The following ZNF69 variants were observed in gnomAD, a reference collection of about 807,000 sequenced individuals.
ZNF69 encodes the protein ZNF3.
Under a neutral mutation model 50.9 loss-of-function variants are expected in ZNF69, and 47 were observed. The ratio of observed to expected loss-of-function variants is 0.92; its 90% CI spans 0.73 to 1.18. The LOEUF (loss-of-function observed/expected upper bound fraction) is 1.18, where lower values mean the gene tolerates loss of function less well. Among genes scored for constraint, ZNF69 ranks in the 50% most tolerant of loss-of-function variants. The pLI is 0.00. For missense variants in ZNF69, 717 were observed against 675.1 expected (o/e 1.06, Z -0.69); for synonymous variants, 216 against 223.1 (o/e 0.97, Z 0.29).
chr19:11,935,276 G>A, the ZNF69 span, among the ~76,000 whole-genome samples: 1 of 108,170 alleles, frequency 9.2e-6, no homozygotes, highest in Non-Finnish European at 1.7e-5. Flanking sequence ...TGGCTCTGTT[G>A]CCCAGTCTGG....
chr19:11,933,140 A>G, the ZNF69 span, among the ~76,000 whole-genome samples: 2 of 147,584 alleles, frequency 1.4e-5, no homozygotes, highest in African/African-American at 5.3e-5. Flanking sequence ...TTGACTGGCC[A>G]GGTGCTGTGC....
intron 1 of ZNF69, among the ~76,000 whole-genome samples, chr19:11,891,210 C>A (rs539200519): frequency 6.6e-6 from 1 of 151,896 alleles, no homozygotes; most frequent in South Asian, 2.1e-4. Context: ...AGGATCACTT[C>A]TAGTCAGCAG....
At chr19:11,909,080 G>A (rs963473766), downstream of ZNF69, among the ~76,000 whole-genome samples, 1 of 152,130 alleles carries the variant, frequency 6.6e-6, no homozygotes, top group African/African-American at 2.4e-5. Flanking sequence ...AGAAGAAATG[G>A]ATAAATTCCT....
chr19:11,933,436 A>G, the ZNF69 span, among the ~76,000 whole-genome samples: 1 of 147,810 alleles, frequency 6.8e-6, no homozygotes, highest in African/African-American at 2.7e-5. Flanking sequence ...TAAGACAACT[A>G]CGTGTGTCAT....
At chr19:11,902,139 T>C (rs1033510497) in intron 1 of ZNF69, among the ~76,000 whole-genome samples, 1 of 151,882 alleles carries the variant, frequency 6.6e-6, no homozygotes, top group African/African-American at 2.4e-5. Context: ...TGTGCCGCCA[T>C]GCCCGGGTAA....
chr19:11,901,727 G>C (rs1020588485), intron 1 of ZNF69, among the ~76,000 whole-genome samples: 1 of 151,742 alleles, frequency 6.6e-6, no homozygotes, highest in African/African-American at 2.4e-5. Context: ...CAAGTGATCC[G>C]CCCACCTTAA....
the ZNF69 span, among the ~76,000 whole-genome samples, chr19:11,960,376 T>G: frequency 1.3e-5 from 2 of 152,236 alleles, no homozygotes; most frequent in Non-Finnish European, 2.9e-5. Context: ...TGGAGTGCAG[T>G]GGTGTGGCCA....
At position 11,903,666 on chromosome 19, in the gene ZNF69, A is replaced by AT; in HGVS notation, c.158dup (p.Met53IlefsTer21). 6.2e-7 allele frequency: 1 copy of AT among 1,614,128 alleles called. No homozygotes were observed. Among genetic ancestry groups the AT allele is most frequent in the East Asian group, 2.2e-5 (1 of 44,884 alleles). On this transcript the variant is annotated frameshift_variant, in exon 2 of 4. Transcript: ENST00000429654. LOFTEE classifies it high-confidence loss of function. ...CCAGAGGAAACTCTACAAGGAAGTGATGCTGGAAACTTTCAGGAACCTGAC... is the reference window on the plus strand; with the variant it reads ...CCAGAGGAAACTCTACAAGGAAGTGATTGCTGGAAACTTTCAGGAACCTGAC...
At chr19:11,948,857 A>G in the ZNF69 span, 6 of 1,606,286 alleles carry the variant, frequency 3.7e-6, no homozygotes, top group South Asian at 2.2e-5. Context: ...GAGAAGCCCT[A>G]TGAATGTAGC....
the ZNF69 span, among the ~76,000 whole-genome samples, chr19:11,925,426 C>T: frequency 2.6e-5 from 4 of 152,188 alleles, no homozygotes; most frequent in Non-Finnish European, 5.9e-5. Flanking sequence ...TCCCCTTGGC[C>T]GCTGGACGGG....
At chr19:11,943,487 C>CT in the ZNF69 span, among the ~76,000 whole-genome samples, 1 of 151,920 alleles carries the variant, frequency 6.6e-6, no homozygotes, top group East Asian at 1.9e-4. Flanking sequence ...ATGGGGGTCT[C>CT]TTTTTTTTCT....
chr19:11,968,482 T>C, the ZNF69 span, among the ~76,000 whole-genome samples: 1 of 152,122 alleles, frequency 6.6e-6, no homozygotes, highest in Non-Finnish European at 1.5e-5. Flanking sequence ...CCTCAAACAG[T>C]CCTCCTTCCT....
Position 11,904,680 on chromosome 19 carries a change from A to G in ZNF69, c.283A>G (p.Lys95Glu). The change falls in exon 4 of 4, where the codon AAA becomes GAA. Residue 95 changes from lysine to glutamate, a missense_variant. Transcript: ENST00000429654. ...SLIEKKVNEI[K>E]DDSHCGETFT... ...CATAGAAAAGAAAGTCAATGAAATT[A>G]AAGATGACAGTCATTGTGGAGAAAC... 1 of 1,613,300 alleles carries G rather than the reference A, an allele frequency of 6.2e-7. No individual in the cohort carries two copies. Among genetic ancestry groups the G allele is most frequent in the South Asian group, 1.1e-5 (1 of 90,920 alleles).
chr19:11,950,632 G>T, the ZNF69 span: 1 of 381,226 alleles, frequency 2.6e-6, no homozygotes, highest in East Asian at 6.4e-5. Flanking sequence ...AAGCAGTATG[G>T]GAAAGCCTTC....
chr19:11,905,616 G>A lies in ZNF69; in HGVS notation c.1219G>A (p.Glu407Lys). The change falls in exon 4 of 4, where the codon GAA (glutamate) becomes AAA (lysine). Residue 407 changes from glutamate to lysine, a missense_variant. Transcript: ENST00000429654. ...FIHSSSLRYH[E>K]RIHTGEKPYE... ...TCATTCCAGTTCCCTTCGTTATCAT[G>A]AAAGGATTCACACTGGAGAGAAACC... 6.2e-7 allele frequency: 1 copy of A among 1,613,972 alleles called. No homozygotes were observed. Among genetic ancestry groups the A allele is most frequent in the Non-Finnish European group, 8.5e-7 (1 of 1,180,002 alleles).
the ZNF69 span, among the ~76,000 whole-genome samples, chr19:11,926,051 T>C: frequency 2.6e-5 from 4 of 152,100 alleles, no homozygotes; most frequent in African/African-American, 9.7e-5. Context: ...GTTGAGAGTG[T>C]GAAGTTTGTC....
chr19:11,971,071 G>A, the ZNF69 span, among the ~76,000 whole-genome samples: 1 of 152,138 alleles, frequency 6.6e-6, no homozygotes, highest in Non-Finnish European at 1.5e-5. Context: ...GTATAGTAGG[G>A]ATATTGCTTC....
the ZNF69 span, chr19:11,965,294 C>T: frequency 2.5e-6 from 4 of 1,591,790 alleles, no homozygotes; most frequent in Non-Finnish European, 2.6e-6. Flanking sequence ...GGACCCGGGC[C>T]TCCCTGCGGG....
chr19:11,974,126 T>TTTC, the ZNF69 span, among the ~76,000 whole-genome samples: 3,731 of 53,998 alleles, frequency 0.069, 61 homozygotes, highest in Non-Finnish European at 0.073. Flanking sequence ...TCTTTCTTTC[T>TTTC]TTTCTTTCTT....
Sources: allele counts gnomAD v4.1 joint callset (sites outside exome capture counted in the v4.1 genomes callset), GRCh38; gene constraint gnomAD v4.1.1; transcripts MANE v1.5; gene names NCBI Gene and HGNC (gene_info 2026-07-23, HGNC 2026-07-21).